Variants in DHRS4L2 observed in about 807,000 individuals in gnomAD.
DHRS4L2 encodes dehydrogenase/reductase SDR family member 4-like 2.
DHRS4L2 carries 22 observed loss-of-function variants against 23.9 expected under a neutral mutation model. The observed-to-expected ratio is 0.92, with a 90% confidence interval of 0.66 to 1.31. The LOEUF is 1.31. Ranked by LOEUF, DHRS4L2 falls within the 40% of genes most tolerant of loss-of-function variation. The pLI, the probability that DHRS4L2 is intolerant of heterozygous loss-of-function variation, is 0.00. For missense variants in DHRS4L2, 385 were observed against 303.3 expected, an observed-to-expected ratio of 1.27 and a Z score of -2.00; for synonymous variants, 141 against 123.7, an observed-to-expected ratio of 1.14 and a Z score of -0.93.
chr14:23,972,200 G>A (rs2033872044), intron 1 of DHRS4L2, among the ~76,000 whole-genome samples: 1 of 152,074 alleles, frequency 6.6e-6, no homozygotes, highest in African/African-American at 2.4e-5. Context: ...GAGTGTTACA[G>A]TTCTTAAAGG....
At chr14:24,001,260 C>A in intron 5 of DHRS4L2, 124 bp from the exon 6 acceptor site, 1 of 1,565,874 alleles carries the variant, frequency 6.4e-7, no homozygotes, top group Non-Finnish European at 8.6e-7. Flanking sequence ...AGCCACAAGA[C>A]AGTTTCCTAA....
upstream of DHRS4L2, among the ~76,000 whole-genome samples, chr14:23,985,871 G>C (rs2034131432): frequency 6.6e-6 from 1 of 151,192 alleles, no homozygotes; most frequent in Non-Finnish European, 1.5e-5. Flanking sequence ...CATGCCACCA[G>C]GCATGTATTT....
upstream of DHRS4L2, among the ~76,000 whole-genome samples, chr14:23,988,505 C>T (rs1188712052): frequency 1.3e-5 from 2 of 150,682 alleles, no homozygotes; most frequent in Admixed American, 1.3e-4. Context: ...AGTCTCAAAA[C>T]ATTTGCCCTC....
upstream of DHRS4L2, among the ~76,000 whole-genome samples, chr14:23,986,515 AAAAAAGAAAGAAAGAAAG>A (rs1279001724): frequency 1.3e-5 from 2 of 150,196 alleles, no homozygotes; most frequent in Non-Finnish European, 3.0e-5. Flanking sequence ...AATAAAAAAA[AAAAAAGAAAGAAAGAAAG>A]AAAAAGAAAT....
chr14:23,986,631 C>T (rs993621775), upstream of DHRS4L2, among the ~76,000 whole-genome samples: 1 of 151,622 alleles, frequency 6.6e-6, no homozygotes, highest in Non-Finnish European at 1.5e-5. Context: ...TCTCTTTTCC[C>T]AGAATCCTTT....
chr14:23,983,746 C>G (rs748304636), intron 1 of DHRS4L2, among the ~76,000 whole-genome samples: 3 of 151,556 alleles, frequency 2.0e-5, no homozygotes, highest in Non-Finnish European at 4.4e-5. Flanking sequence ...ATGGATGAAG[C>G]TGGAAACCAT....
Position 23,990,302 on chromosome 14 carries a change from G to A in DHRS4L2, c.249G>A (p.Val83=). 1 of 1,612,260 alleles carries A rather than the reference G, an allele frequency of 6.2e-7. No homozygotes were observed. The highest frequency in any genetic ancestry group is 8.5e-7 in the Non-Finnish European group (1 of 1,179,090). ...CGCTGCAGGGGGAGGGGCTGAGCGT[G>A]ACGGGCACTGTGTGCCATGTGGGGA... ...VATLQGEGLS[V]TGTVCHVGKA... Residue 83 remains valine (V), a synonymous_variant, in exon 2 of 8, where the codon GTG becomes GTA. Coordinates refer to ENST00000335125, the MANE Select transcript of DHRS4L2 (RefSeq NM_198083.4).
rs575928137 is a variant in DHRS4L2, at chr14:23,996,480, A to G, written c.408+1347A>G. 9.3e-5 allele frequency among the ~76,000 whole-genome samples: 14 copies of G among 150,730 alleles called. No homozygotes were observed. In the South Asian group the frequency reaches 3.0e-3, roughly 33 times the overall value. ...GAGACCTTTTCTCTATATTAAAAAC[A>G]ACAACAACAACAATGACAACAAAAC... On this transcript the variant is annotated intron_variant, in intron 3 of 7. Transcript: ENST00000335125.
chr14:23,982,656 T>A (rs1274476160), intron 1 of DHRS4L2, among the ~76,000 whole-genome samples: 1 of 151,478 alleles, frequency 6.6e-6, no homozygotes, highest in African/African-American at 2.4e-5. Flanking sequence ...ACCACACACC[T>A]ACAACCATCA....
chr14:23,974,286 A>G (rs2138505790), intron 1 of DHRS4L2, among the ~76,000 whole-genome samples: 1 of 151,864 alleles, frequency 6.6e-6, no homozygotes, highest in South Asian at 2.1e-4. Context: ...AATACCCACA[A>G]GAGAAAGCAG....
chr14:23,985,753 T>A (rs1011298565), upstream of DHRS4L2, among the ~76,000 whole-genome samples: 1 of 151,544 alleles, frequency 6.6e-6, no homozygotes, highest in African/African-American at 2.4e-5. Context: ...CTCCTTCTGT[T>A]GCCCAGGCTG....
intron 2 of DHRS4L2, among the ~76,000 whole-genome samples, chr14:23,991,547 A>G (rs957897816): frequency 6.6e-6 from 1 of 151,698 alleles, no homozygotes; most frequent in Non-Finnish European, 1.5e-5. Context: ...GCTAAACCTT[A>G]AGGAATGGAT....
chr14:23,999,332 A>C, intron 3 of DHRS4L2, among the ~76,000 whole-genome samples: 1 of 141,726 alleles, frequency 7.1e-6, no homozygotes, highest in Non-Finnish European at 1.5e-5. Flanking sequence ...GTTGCCACGA[A>C]ACTCCAATTT....
chr14:23,990,304 C>G lies in DHRS4L2; in HGVS notation c.251C>G (p.Thr84Arg), dbSNP rs557426954. 1 of 1,612,162 alleles carries G rather than the reference C, an allele frequency of 6.2e-7. No individual in the cohort carries two copies. Among genetic ancestry groups the G allele is most frequent in the Non-Finnish European group, 8.5e-7 (1 of 1,179,040 alleles). ...CTGCAGGGGGAGGGGCTGAGCGTGA[C>G]GGGCACTGTGTGCCATGTGGGGAAG... Reference protein sequence around the residue: ...ATLQGEGLSVTGTVCHVGKAE... With the variant: ...ATLQGEGLSVRGTVCHVGKAE... The change falls in exon 2 of 8, where the codon ACG becomes AGG. Residue 84 changes from threonine to arginine, a missense_variant. By Grantham distance (71) the Thr-to-Arg change is moderately conservative. Transcript: ENST00000335125.
chr14:23,999,344 TAAAAAAAA>T (rs71426825), intron 3 of DHRS4L2, among the ~76,000 whole-genome samples: 2,835 of 53,524 alleles, frequency 0.053, 44 homozygotes, highest in Middle Eastern at 0.15. Flanking sequence ...CTCCAATTTG[TAAAAAAAA>T]AAAAAAAAAA....
chr14:23,973,519 G>T (rs1431476920), intron 1 of DHRS4L2, among the ~76,000 whole-genome samples: 1 of 151,886 alleles, frequency 6.6e-6, no homozygotes, highest in East Asian at 1.9e-4. Context: ...AGCGAGGGCT[G>T]CCAGCACACT....
upstream of DHRS4L2, chr14:23,988,818 A>C: frequency 7.1e-7 from 1 of 1,418,134 alleles, no homozygotes; most frequent in South Asian, 1.5e-5. Flanking sequence ...CAACCGCCAC[A>C]GACGACTCCC....
At chr14:24,000,973 C>T (rs1465395282) in intron 4 of DHRS4L2, 40 bp downstream of exon 4, 1 of 1,611,434 alleles carries the variant, frequency 6.2e-7, no homozygotes, top group Non-Finnish European at 8.5e-7. Context: ...GAGGGGACCC[C>T]ACACAGGCTG....
chr14:24,000,368 C>A (rs1427406961), intron 3 of DHRS4L2, among the ~76,000 whole-genome samples: 1 of 150,004 alleles, frequency 6.7e-6, no homozygotes, highest in East Asian at 2.0e-4. Flanking sequence ...ACTTTCTAAC[C>A]ATGCCTAGCC....
Sources: gnomAD v4.1 joint callset for allele counts (sites outside exome capture counted in the v4.1 genomes callset) on GRCh38, gnomAD v4.1.1 for gene constraint, MANE v1.5 for transcripts, NCBI Gene and HGNC (gene_info 2026-07-23, HGNC 2026-07-21) for gene names.